GGA2: variants seen among roughly 807,000 people sequenced by gnomAD.
GGA2 encodes golgi associated, gamma adaptin ear containing, ARF binding protein 2, also known as ADP-ribosylation factor-binding protein GGA2.
GGA2 carries 48 observed loss-of-function variants against 79.5 expected under a neutral mutation model. The observed-to-expected ratio is 0.60, with a 90% CI of 0.48 to 0.77. The LOEUF is 0.77. Ranked by LOEUF, GGA2 falls within the 30% of genes least tolerant of loss-of-function variation. GGA2 has a pLI of 0.00. For missense variants in GGA2, 770 were observed against 774.0 expected, an observed-to-expected ratio of 0.99 and a Z score of 0.06; for synonymous variants, 317 against 302.0, an observed-to-expected ratio of 1.05 and a Z score of -0.51.
At chr16:23,473,043 A>G (rs1964532529) in intron 14 of GGA2, among the ~76,000 whole-genome samples, 1 of 151,494 alleles carries the variant, frequency 6.6e-6, no homozygotes. Flanking sequence ...AAAAAAAAAA[A>G]AAAAAGACTG....
At chr16:23,519,823 A>C (rs1334665415) in intron 1 of GGA2, among the ~76,000 whole-genome samples, 1 of 152,108 alleles carries the variant, frequency 6.6e-6, no homozygotes, top group African/African-American at 2.4e-5. Context: ...TCTTCCAATA[A>C]ATTCCTTTCA....
intron 2 of GGA2, 51 bp downstream of exon 2, chr16:23,495,643 T>C: frequency 1.9e-6 from 2 of 1,038,702 alleles, no homozygotes; most frequent in Non-Finnish European, 3.0e-6. Context: ...AGGCCTACAC[T>C]CAGTGTGGGG....
chr16:23,519,488 C>T, intron 2 of GGA2: 1 of 276,798 alleles, frequency 3.6e-6, no homozygotes, highest in Non-Finnish European at 7.6e-6. Flanking sequence ...CAGGGGTAGA[C>T]ACCTGACCCA....
intron 1 of GGA2, chr16:23,501,062 C>T (rs10153059): frequency 0.75 from 273,777 of 363,122 alleles, 104,480 homozygotes; most frequent in Non-Finnish European, 0.81. Flanking sequence ...AGCACAGATA[C>T]GCAAATAGAT....
At chr16:23,483,479 A>C (rs745804632) in intron 8 of GGA2, among the ~76,000 whole-genome samples, 1 of 152,200 alleles carries the variant, frequency 6.6e-6, no homozygotes, top group Non-Finnish European at 1.5e-5. Context: ...AGTTACGTGG[A>C]GGCTGGCTCT....
chr16:23,499,703 C>T (rs144966411), intron 1 of GGA2, among the ~76,000 whole-genome samples: 1 of 152,168 alleles, frequency 6.6e-6, no homozygotes, highest in African/African-American at 2.4e-5. Context: ...ACCTCGTGAT[C>T]CGCCCGCCTC....
intron 5 of GGA2, among the ~76,000 whole-genome samples, chr16:23,491,006 TA>T (rs1964776837): frequency 6.6e-6 from 1 of 151,984 alleles, no homozygotes; most frequent in Non-Finnish European, 1.5e-5. Flanking sequence ...CCAGCGTGGG[TA>T]ACATTGCAAG....
chr16:23,500,880 T>C (rs777629237), intron 1 of GGA2: 4 of 189,892 alleles, frequency 2.1e-5, no homozygotes, highest in Non-Finnish European at 4.4e-5. Flanking sequence ...TGAGAAAATA[T>C]CAAATGAGTG....
chr16:23,465,263 G>A lies in GGA2; in HGVS notation c.*2327C>T. The A allele has an allele frequency of 2.9e-6, 2 of 691,164 alleles. No individual in the cohort carries two copies. Among genetic ancestry groups the A allele is most frequent in the Admixed American group, 2.1e-5 (1 of 48,748 alleles). The allele number at this position is 691,164 out of a possible 1,614,324, so 42.8% of individuals were successfully genotyped here. On this transcript the variant is annotated 3_prime_UTR_variant, in exon 17 of 17. Coordinates refer to ENST00000309859, the MANE Select transcript of GGA2 (RefSeq NM_015044.4). ...GCCTCCCAAAATGCTGGGATTATAG[G>A]CGTGAGCCACTGTGCACAGCCAATA...
intron 1 of GGA2, among the ~76,000 whole-genome samples, chr16:23,520,022 G>A (rs559442578): frequency 5.3e-5 from 8 of 152,200 alleles, no homozygotes; most frequent in Admixed American, 1.3e-4. Flanking sequence ...CGAGGCAGGC[G>A]GATCACCTGA....
At chr16:23,475,210 T>TA in intron 13 of GGA2, 149 bp from the exon 14 acceptor site, 1 of 483,764 alleles carries the variant, frequency 2.1e-6, no homozygotes, top group Non-Finnish European at 3.6e-6. Context: ...TTTTTTTTGA[T>TA]ACAGTATCTC....
intron 1 of GGA2, among the ~76,000 whole-genome samples, chr16:23,499,886 C>T (rs996909376): frequency 1.1e-4 from 16 of 152,152 alleles, no homozygotes; most frequent in African/African-American, 3.6e-4. Flanking sequence ...GCTGGCAGGG[C>T]GGGGCCTGGT....
rs906870219 is a variant in GGA2, at chr16:23,473,591, G to A, written c.1450+1313C>T. Among the ~76,000 whole-genome samples the A allele has an allele frequency of 2.6e-5, 4 of 152,096 alleles. No homozygotes were observed. The East Asian group carries it at 7.7e-4, about 29-fold the overall frequency. ...GATCTGCCCACCTTGGCCTCCCAAA[G>A]TGCTGGGATTACAGGCATGAGCCAC... On this transcript the variant is annotated intron_variant, in intron 14 of 16. Transcript: ENST00000309859.
At chr16:23,474,274 C>CT (rs1185896837) in intron 14 of GGA2, among the ~76,000 whole-genome samples, 1 of 152,186 alleles carries the variant, frequency 6.6e-6, no homozygotes, top group Non-Finnish European at 1.5e-5. Flanking sequence ...CTAAGTAAGC[C>CT]TTTTAATTAA....
chr16:23,496,302 C>CAAAAA (rs754859869), intron 1 of GGA2, among the ~76,000 whole-genome samples: 1 of 35,836 alleles, frequency 2.8e-5, no homozygotes, highest in African/African-American at 1.0e-4. Context: ...GACTCTGTCT[C>CAAAAA]AAAAAAAAAA....
At chr16:23,499,165 T>C (rs939990137) in intron 1 of GGA2, among the ~76,000 whole-genome samples, 3 of 134,994 alleles carry the variant, frequency 2.2e-5, no homozygotes, top group African/African-American at 8.3e-5. Flanking sequence ...TTTTTTTTGA[T>C]ATGGAGTCTC....
chr16:23,487,439 G>C (rs149013892), intron 6 of GGA2, among the ~76,000 whole-genome samples: 108 of 152,260 alleles, frequency 7.1e-4, no homozygotes, highest in African/African-American at 2.4e-3. Flanking sequence ...ACAGTGCACA[G>C]GACAGTCCCC....
At chr16:23,503,605 CATT>C (rs1964942900) in intron 1 of GGA2, among the ~76,000 whole-genome samples, 1 of 152,176 alleles carries the variant, frequency 6.6e-6, no homozygotes, top group South Asian at 2.1e-4. Flanking sequence ...ATTATCCCAT[CATT>C]GTTAAATTTT....
chr16:23,481,933 T>A (rs1964653920), intron 9 of GGA2, among the ~76,000 whole-genome samples: 1 of 152,090 alleles, frequency 6.6e-6, no homozygotes, highest in Non-Finnish European at 1.5e-5. Context: ...AGAAATTTTA[T>A]CAGGGCAATC....
Sources: gnomAD v4.1 joint callset for allele counts (sites outside exome capture counted in the v4.1 genomes callset) on GRCh38, gnomAD v4.1.1 for gene constraint, MANE v1.5 for transcripts, NCBI Gene and HGNC (gene_info 2026-07-23, HGNC 2026-07-21) for gene names.